Variants in NPAS3 observed in about 807,000 individuals in gnomAD.
NPAS3 encodes neuronal PAS domain-containing protein 3.
A neutral mutation model predicts 73.1 loss-of-function variants in NPAS3; 14 were observed. The ratio of observed to expected loss-of-function variants is 0.19; its 90% CI spans 0.13 to 0.30. The LOEUF (loss-of-function observed/expected upper bound fraction) is 0.30, where lower values mean the gene tolerates loss of function less well. Among genes scored for constraint, NPAS3 ranks in the 10% least tolerant of loss-of-function variants. The pLI is 1.00. For synonymous variants in NPAS3, 620 were observed against 541.5 expected (o/e 1.14, Z -2.01); for missense variants, 1,096 against 1,250.0 (o/e 0.88, Z 1.86).
chr14:33,543,046 C>T (rs2054593192), intron 4 of NPAS3, among the ~76,000 whole-genome samples: 1 of 152,216 alleles, frequency 6.6e-6, no homozygotes, highest in African/African-American at 2.4e-5. Context: ...TGATGATGAA[C>T]GTGCAGGCCA....
At chr14:32,946,333 A>AACACACACGCACGCACAC (rs2036248769) in intron 1 of NPAS3, among the ~76,000 whole-genome samples, 4 of 105,302 alleles carry the variant, frequency 3.8e-5, no homozygotes, top group Non-Finnish European at 6.1e-5. Context: ...CCATCCCCCC[A>AACACACACGCACGCACAC]ACACACACAC....
At chr14:33,243,362 C>CT (rs913708894) in intron 3 of NPAS3, among the ~76,000 whole-genome samples, 201 of 149,454 alleles carry the variant, frequency 1.3e-3, no homozygotes, top group African/African-American at 4.4e-3. Flanking sequence ...TATATCAAGA[C>CT]TTTTTTTTTT....
chr14:33,658,892 A>G (rs921096450), intron 5 of NPAS3, among the ~76,000 whole-genome samples: 2 of 152,122 alleles, frequency 1.3e-5, no homozygotes, highest in African/African-American at 4.8e-5. Flanking sequence ...TCTAAATCTC[A>G]AAAGATCAGA....
intron 3 of NPAS3, among the ~76,000 whole-genome samples, chr14:33,221,189 G>T (rs114912525): frequency 1.4e-3 from 219 of 152,252 alleles, no homozygotes; most frequent in African/African-American, 5.1e-3. Context: ...TGGAGGCAAA[G>T]GTGTAAGAAG....
chr14:33,718,409 A>G (rs2061015360), intron 6 of NPAS3, among the ~76,000 whole-genome samples: 1 of 151,602 alleles, frequency 6.6e-6, no homozygotes, highest in Non-Finnish European at 1.5e-5. Context: ...ATTCTGTACC[A>G]TTTTCTAGTA....
At chr14:33,378,913 CAT>C in intron 4 of NPAS3, among the ~76,000 whole-genome samples, 1 of 152,194 alleles carries the variant, frequency 6.6e-6, no homozygotes, top group African/African-American at 2.4e-5. Flanking sequence ...AGTTATACTA[CAT>C]GTTGAGCACC....
chr14:33,143,359 C>T (rs1329303393), intron 2 of NPAS3, among the ~76,000 whole-genome samples: 1 of 151,848 alleles, frequency 6.6e-6, no homozygotes, highest in Non-Finnish European at 1.5e-5. Flanking sequence ...GGCATGGCAG[C>T]GCATGCCTGT....
intron 1 of NPAS3, among the ~76,000 whole-genome samples, chr14:33,047,875 C>T (rs1230472435): frequency 1.3e-5 from 2 of 152,082 alleles, no homozygotes; most frequent in Admixed American, 1.3e-4. Context: ...GGTGTTTCTT[C>T]CATTGTAACT....
chr14:33,222,207 G>T (rs2047456584), intron 3 of NPAS3, among the ~76,000 whole-genome samples: 1 of 152,214 alleles, frequency 6.6e-6, no homozygotes, highest in Non-Finnish European at 1.5e-5. Context: ...GGGAGGAGAA[G>T]AGAGGGTCAG....
chr14:33,578,015 C>G (rs1317950418), intron 5 of NPAS3, among the ~76,000 whole-genome samples: 1 of 152,156 alleles, frequency 6.6e-6, no homozygotes, highest in Non-Finnish European at 1.5e-5. Flanking sequence ...TGAACATACC[C>G]CATTGAGTTT....
At chr14:33,717,597 G>T (rs919001147) in intron 6 of NPAS3, among the ~76,000 whole-genome samples, 2 of 151,976 alleles carry the variant, frequency 1.3e-5, no homozygotes, top group African/African-American at 4.8e-5. Flanking sequence ...CTTTTTGCTT[G>T]CATTCTCATA....
chr14:33,631,054 C>T (rs1432272466), intron 5 of NPAS3, among the ~76,000 whole-genome samples: 2 of 152,200 alleles, frequency 1.3e-5, no homozygotes, highest in African/African-American at 4.8e-5. Context: ...CACCAAGCAT[C>T]CCCCTGAGCA....
At chr14:33,134,693 C>CCAT (rs1288100461) in intron 2 of NPAS3, among the ~76,000 whole-genome samples, 1 of 152,008 alleles carries the variant, frequency 6.6e-6, no homozygotes, top group African/African-American at 2.4e-5. Context: ...CAAGATGGAC[C>CCAT]CATGAAGCTT....
At chr14:33,472,867 T>C (rs915152239) in intron 4 of NPAS3, among the ~76,000 whole-genome samples, 3 of 150,816 alleles carry the variant, frequency 2.0e-5, no homozygotes, top group Non-Finnish European at 4.4e-5. Context: ...GATTATATTA[T>C]TTTACTTTCC....
intron 3 of NPAS3, among the ~76,000 whole-genome samples, chr14:33,263,799 A>G (rs2049065396): frequency 6.6e-6 from 1 of 151,998 alleles, no homozygotes; most frequent in Non-Finnish European, 1.5e-5. Context: ...TATTTTGTTG[A>G]GCAGTGGTTT....
At chr14:33,442,897 T>G (rs2049318000) in intron 4 of NPAS3, among the ~76,000 whole-genome samples, 1 of 152,238 alleles carries the variant, frequency 6.6e-6, no homozygotes, top group South Asian at 2.1e-4. Flanking sequence ...TTTAATGTTT[T>G]CTGAACCTTG....
chr14:33,335,702 G>A (rs112377862), intron 3 of NPAS3, among the ~76,000 whole-genome samples: 1,861 of 152,234 alleles, frequency 0.012, 22 homozygotes, highest in African/African-American at 0.041. Context: ...AATCTTGGAC[G>A]TTTGAGTGGA....
chr14:33,555,896 CTG>C (rs60426737), intron 4 of NPAS3, among the ~76,000 whole-genome samples: 4 of 151,202 alleles, frequency 2.6e-5, no homozygotes, highest in Non-Finnish European at 5.9e-5. Context: ...GTTGGTGTGT[CTG>C]TGTGTGTGTG....
At chr14:33,664,781 G>A (rs1238645846) in intron 5 of NPAS3, among the ~76,000 whole-genome samples, 2 of 152,206 alleles carry the variant, frequency 1.3e-5, no homozygotes, top group East Asian at 1.9e-4. Context: ...CTGGCCATCA[G>A]AGAAATGCAA....
Sources: allele counts gnomAD v4.1 joint callset (sites outside exome capture counted in the v4.1 genomes callset), GRCh38; gene constraint gnomAD v4.1.1; transcripts MANE v1.5; gene names NCBI Gene and HGNC (gene_info 2026-07-23, HGNC 2026-07-21).